Variants in ALB observed in about 807,000 individuals in gnomAD.
ALB encodes albumin.
ALB carries 37 observed loss-of-function variants against 74.5 expected under a neutral mutation model. The observed-to-expected ratio is 0.50, with a 90% CI of 0.38 to 0.65. The LOEUF (loss-of-function observed/expected upper bound fraction) is 0.65. Among genes scored for constraint, ALB ranks in the 30% least tolerant of loss-of-function variants. The pLI is 0.00. For missense variants in ALB, 685 were observed against 718.7 expected (o/e 0.95, Z 0.54); for synonymous variants, 249 against 251.6 (o/e 0.99, Z 0.10).
chr4:73,416,110 T>G (rs1719005980), intron 9 of ALB, 146 bp from the exon 10 acceptor site: 1 of 658,790 alleles, frequency 1.5e-6, no homozygotes, highest in Admixed American at 2.3e-5. Context: ...TTCGAATGTA[T>G]TGTGACAGAG....
chr4:73,406,404 G>A (rs576265886), intron 2 of ALB, among the ~76,000 whole-genome samples: 14 of 152,236 alleles, frequency 9.2e-5, no homozygotes, highest in East Asian at 3.9e-4. Context: ...ACTGACACAC[G>A]CATACATATA....
chr4:73,407,965 T>C (rs1483425490), intron 3 of ALB, among the ~76,000 whole-genome samples: 2 of 152,142 alleles, frequency 1.3e-5, no homozygotes, highest in African/African-American at 4.8e-5. Context: ...ATCTTAAAAA[T>C]ACATAAAAAT....
At chr4:73,414,516 T>G (rs1317563608) in intron 8 of ALB, among the ~76,000 whole-genome samples, 1 of 152,126 alleles carries the variant, frequency 6.6e-6, no homozygotes, top group Non-Finnish European at 1.5e-5. Context: ...CAGGCTGGAG[T>G]GCAATGGTGC....
At chr4:73,410,741 G>T (rs1239523407) in intron 6 of ALB, among the ~76,000 whole-genome samples, 1 of 152,042 alleles carries the variant, frequency 6.6e-6, no homozygotes, top group Non-Finnish European at 1.5e-5. Flanking sequence ...TGTAGGCATG[G>T]TTCTTTATTT....
At chr4:73,409,523 A>ATTTTGTCCATTTTGTG in intron 5 of ALB, 36 bp downstream of exon 5, 1 of 1,613,426 alleles carries the variant, frequency 6.2e-7, no homozygotes, top group Non-Finnish European at 8.5e-7. Flanking sequence ...AGAGTTCATT[A>ATTTTGTCCATTTTGTG]TCCAACCTGA....
intron 14 of ALB, 85 bp from the exon 15 acceptor site, chr4:73,421,007 A>G (rs954480096): frequency 7.0e-5 from 45 of 641,748 alleles, no homozygotes; most frequent in Non-Finnish European, 9.7e-5. Context: ...AAGATGATCT[A>G]AGTAATTTGG....
At position 73,418,111 on chromosome 4, in the gene ALB, A is replaced by G. The variant is rs778288086; in HGVS notation, c.1452A>G (p.Leu484=). 6.2e-7 allele frequency: 1 copy of G among 1,613,978 alleles called. No homozygotes were observed. Among genetic ancestry groups the G allele is most frequent in the East Asian group, 2.2e-5 (1 of 44,898 alleles). ...EDYLSVVLNQ[L]CVLHEKTPVS... ...AGCTATCCGTGGTCCTGAACCAGTT[A>G]TGTGTGTTGCATGAGAAAACGCCAG... The change falls in exon 12 of 15, where the codon TTA becomes TTG. Residue 484 remains leucine (L), a synonymous_variant. Transcript: ENST00000295897.
At chr4:73,405,356 T>C (rs1321131075) in intron 2 of ALB, among the ~76,000 whole-genome samples, 183 bp downstream of exon 2, 1 of 152,202 alleles carries the variant, frequency 6.6e-6, no homozygotes, top group Non-Finnish European at 1.5e-5. Flanking sequence ...ACTGGTCACA[T>C]GGCTATTGAG....
At chr4:73,407,314 G>A (rs1189232059) in intron 3 of ALB, among the ~76,000 whole-genome samples, 1 of 152,142 alleles carries the variant, frequency 6.6e-6, no homozygotes, top group Admixed American at 6.6e-5. Flanking sequence ...TTGATTCTAT[G>A]AGTTTGACTA....
chr4:73,414,025 AATC>A (rs1473045782), intron 8 of ALB, among the ~76,000 whole-genome samples: 1 of 152,212 alleles, frequency 6.6e-6, no homozygotes, highest in Non-Finnish European at 1.5e-5. Flanking sequence ...CTATCTATCT[AATC>A]TATGCAATGA....
At chr4:73,406,553 A>T in intron 2 of ALB, 76 bp from the exon 3 acceptor site, 1 of 1,397,398 alleles carries the variant, frequency 7.2e-7, no homozygotes, top group Non-Finnish European at 1.0e-6. Context: ...CCCATACATG[A>T]TTTGTTCTCT....
chr4:73,411,962 A>G (rs769214494), intron 6 of ALB, 34 bp from the exon 7 acceptor site: 1 of 1,613,496 alleles, frequency 6.2e-7, no homozygotes, highest in African/African-American at 1.3e-5. Flanking sequence ...ATATCGCATG[A>G]TAATACCATT....
At chr4:73,408,212 ACT>A (rs1465112528) in intron 3 of ALB, among the ~76,000 whole-genome samples, 1 of 152,128 alleles carries the variant, frequency 6.6e-6, no homozygotes, top group African/African-American at 2.4e-5. Context: ...GAAATGAGAA[ACT>A]CTCTGAATGT....
intron 6 of ALB, among the ~76,000 whole-genome samples, chr4:73,411,410 T>C (rs2149328075): frequency 6.6e-6 from 1 of 152,316 alleles, no homozygotes; most frequent in Non-Finnish European, 1.5e-5. Context: ...GGATCTTTCT[T>C]TTTATAAGTA....
chr4:73,419,965 G>T (rs1218136760), intron 13 of ALB, among the ~76,000 whole-genome samples: 1 of 152,172 alleles, frequency 6.6e-6, no homozygotes, highest in Non-Finnish European at 1.5e-5. Flanking sequence ...TACTTGAAAT[G>T]TGGTGGTTTG....
In ALB at chr4:73,408,793, C is replaced by T; in HGVS notation, c.470C>T (p.Thr157Ile). 6.2e-7 allele frequency: 1 copy of T among 1,613,256 alleles called. No homozygotes were observed. Among genetic ancestry groups the T allele is most frequent in the Non-Finnish European group, 8.5e-7 (1 of 1,179,466 alleles). The change falls in exon 4 of 15, where the codon ACA (threonine) becomes ATA (isoleucine). Residue 157 changes from threonine to isoleucine, a missense_variant. By Grantham distance (89) the Thr-to-Ile change is moderately conservative. Transcript: ENST00000295897. ...ACTGCTTTTCATGACAATGAAGAGACATTTTTGAAAAAGTAAGTAATCAGA... is the reference window on the plus strand; with the variant it reads ...ACTGCTTTTCATGACAATGAAGAGATATTTTTGAAAAAGTAAGTAATCAGA... ...MCTAFHDNEE[T>I]FLKKYLYEIA... is the part of the protein sequence containing the mutation.
At chr4:73,406,537 C>A (rs1267573463) in intron 2 of ALB, 92 bp from the exon 3 acceptor site, 3 of 1,214,106 alleles carry the variant, frequency 2.5e-6, no homozygotes, top group African/African-American at 3.0e-5. Context: ...AAAGATAGAA[C>A]CTATACCCAT....
rs940429686 is a variant in ALB at position 73,413,336 on chromosome 4, T to C, written c.844-84T>C. ...GTATGGTCTTAGAATACAATGAATA[T>C]GTTCTGCCAACTTAATAAAGGTCTG... On this transcript the variant is annotated intron_variant, in intron 7 of 14. Coordinates refer to ENST00000295897, the MANE Select transcript of ALB (RefSeq NM_000477.7). 23 of 1,247,394 alleles carry C rather than the reference T, an allele frequency of 1.8e-5. No homozygotes were observed. In the African/African-American group the frequency reaches 2.8e-4, roughly 15 times the overall value. 77.3% of individuals were successfully genotyped at this position (1,247,394 alleles called of 1,614,324 possible).
In ALB at chr4:73,417,685, A is replaced by T. The variant is rs1719049193; in HGVS notation, c.1428+16A>T. On this transcript the variant is annotated intron_variant, in intron 11 of 14. Coordinates refer to ENST00000295897, the MANE Select transcript of ALB (RefSeq NM_000477.7). ...AGAAGACTATGTGAGTCTTTAAAAA[A>T]ATATAATAAATTAATAATGAAAAAA... 4 of 1,544,368 alleles carry T rather than the reference A, an allele frequency of 2.6e-6. No homozygotes were observed. The highest frequency in any genetic ancestry group is 2.5e-5 in the South Asian group (2 of 78,886).
Sources: allele counts gnomAD v4.1 joint callset (sites outside exome capture counted in the v4.1 genomes callset), GRCh38; gene constraint gnomAD v4.1.1; transcripts MANE v1.5; gene names NCBI Gene and HGNC (gene_info 2026-07-23, HGNC 2026-07-21).